Variants in OSBPL10 observed in about 807,000 individuals in gnomAD.
OSBPL10 encodes the protein oxysterol binding protein like 10, also known as oxysterol-binding protein-related protein 10.
In OSBPL10, 49 loss-of-function variants were observed where a neutral mutation model predicts 81.7. The observed-to-expected ratio is 0.60, with a 90% CI of 0.48 to 0.76. The LOEUF is 0.76. Ranked by LOEUF, OSBPL10 falls within the 30% of genes least tolerant of loss-of-function variation. The pLI, the probability that OSBPL10 is intolerant of heterozygous loss-of-function variation, is 0.00. For missense variants in OSBPL10, 923 were observed against 987.8 expected (o/e 0.93, Z 0.88); for synonymous variants, 419 against 383.6 (o/e 1.09, Z -1.08).
chr3:32,069,483 A>G (rs886614789), intron 1 of OSBPL10, among the ~76,000 whole-genome samples: 3 of 152,170 alleles, frequency 2.0e-5, no homozygotes, highest in Non-Finnish European at 4.4e-5. Flanking sequence ...AACTTAAAGA[A>G]ACTACCCAAG....
chr3:31,871,603 G>C (rs778640768), intron 3 of OSBPL10, among the ~76,000 whole-genome samples: 3 of 152,212 alleles, frequency 2.0e-5, no homozygotes, highest in African/African-American at 4.8e-5. Context: ...AGGCTCAGTG[G>C]CTCATGCCTA....
At chr3:31,988,554 T>C (rs1698974852) in intron 2 of OSBPL10, 1 of 160,758 alleles carries the variant, frequency 6.2e-6, no homozygotes, top group Non-Finnish European at 1.4e-5. Flanking sequence ...ATGGCAGAAG[T>C]CATGGTATAT....
intron 4 of OSBPL10, among the ~76,000 whole-genome samples, chr3:31,805,740 A>T (rs1213705152): frequency 1.3e-5 from 2 of 152,218 alleles, no homozygotes; most frequent in African/African-American, 4.8e-5. Flanking sequence ...TAGACAAAAA[A>T]GTATCTTCCT....
chr3:31,967,209 T>C (rs1158965949), intron 1 of OSBPL10, among the ~76,000 whole-genome samples: 1 of 152,166 alleles, frequency 6.6e-6, no homozygotes, highest in East Asian at 1.9e-4. Context: ...TGGACAGGAA[T>C]GCAGAGAGCT....
At chr3:31,990,937 A>G in intron 2 of OSBPL10, 1 of 1,575,062 alleles carries the variant, frequency 6.3e-7, no homozygotes, top group Non-Finnish European at 8.6e-7. Flanking sequence ...TACCGGACAG[A>G]AATCTTACAA....
At chr3:31,692,686 T>A (rs927890389) in intron 7 of OSBPL10, among the ~76,000 whole-genome samples, 1 of 152,202 alleles carries the variant, frequency 6.6e-6, no homozygotes, top group Non-Finnish European at 1.5e-5. Context: ...AGTGCTTGGG[T>A]TTCACACTCA....
At chr3:31,732,051 A>G (rs1300919113) in intron 6 of OSBPL10, among the ~76,000 whole-genome samples, 2 of 152,228 alleles carry the variant, frequency 1.3e-5, no homozygotes, top group African/African-American at 4.8e-5. Flanking sequence ...TGCTAGAAAT[A>G]AGGATCTAAA....
At chr3:31,970,441 G>C (rs1258337344) in intron 1 of OSBPL10, among the ~76,000 whole-genome samples, 1 of 152,206 alleles carries the variant, frequency 6.6e-6, no homozygotes, top group African/African-American at 2.4e-5. Flanking sequence ...AAAGGAAAAG[G>C]TAAGAAGAGT....
upstream of OSBPL10, among the ~76,000 whole-genome samples, chr3:31,981,462 G>C (rs1698842482): frequency 6.6e-6 from 1 of 152,164 alleles, no homozygotes; most frequent in Non-Finnish European, 1.5e-5. The surrounding 1 kb of genome is among the most constrained non-coding windows in gnomAD (Gnocchi z 4.5). Flanking sequence ...GCGGGTGGCC[G>C]GCTAGGCGAG....
chr3:31,724,605 G>A (rs1353969138), intron 6 of OSBPL10, among the ~76,000 whole-genome samples: 1 of 121,708 alleles, frequency 8.2e-6, no homozygotes, highest in Admixed American at 9.2e-5. Context: ...GAAGAGAGGA[G>A]GAGAAAAGCA....
At chr3:31,694,370 CAAAAAAAAAAAAAAAA>C (rs747631578) in intron 7 of OSBPL10, among the ~76,000 whole-genome samples, 2 of 62,828 alleles carry the variant, frequency 3.2e-5, no homozygotes, top group Non-Finnish European at 5.2e-5. Flanking sequence ...GACTCTGTCT[CAAAAAAAAAAAAAAAA>C]AAAAAAAAAA....
At chr3:31,667,760 A>C (rs1243418982) in intron 10 of OSBPL10, among the ~76,000 whole-genome samples, 1 of 152,254 alleles carries the variant, frequency 6.6e-6, no homozygotes, top group East Asian at 1.9e-4. Context: ...GCCATATGTA[A>C]ATGAATGATC....
intron 2 of OSBPL10, chr3:31,990,839 T>C (rs1172310011): frequency 1.9e-6 from 3 of 1,588,412 alleles, no homozygotes; most frequent in East Asian, 2.3e-5. Flanking sequence ...CAAAGGAGAA[T>C]TCATATGGGA....
chr3:31,861,839 T>G (rs879852522), intron 3 of OSBPL10, among the ~76,000 whole-genome samples: 4 of 152,188 alleles, frequency 2.6e-5, no homozygotes, highest in Non-Finnish European at 5.9e-5. Context: ...GTAGCTAGAC[T>G]TGTCTGGAGG....
chr3:31,894,476 T>C (rs536691448), intron 1 of OSBPL10, among the ~76,000 whole-genome samples: 7 of 152,372 alleles, frequency 4.6e-5, no homozygotes, highest in Admixed American at 2.6e-4. Context: ...ACATCCTATT[T>C]GTGACCATAC....
At chr3:31,707,671 C>T (rs1696116523) in intron 6 of OSBPL10, among the ~76,000 whole-genome samples, 1 of 152,166 alleles carries the variant, frequency 6.6e-6, no homozygotes, top group African/African-American at 2.4e-5. Context: ...AGACCCAAAG[C>T]ACCATGCTCA....
intron 1 of OSBPL10, among the ~76,000 whole-genome samples, chr3:32,069,692 T>A (rs1177862627): frequency 6.6e-6 from 1 of 152,152 alleles, no homozygotes; most frequent in Admixed American, 6.5e-5. Context: ...TTAATCAACC[T>A]CACCTTCAAG....
In OSBPL10 at chr3:31,791,646, G is replaced by GT. The variant is rs1037732510; in HGVS notation, c.729+38393dup. Among the ~76,000 whole-genome samples the GT allele has an allele frequency of 2.2e-3, 328 of 147,408 alleles. 1 individual carries two copies. The highest frequency in any genetic ancestry group is 2.6e-3 in the East Asian group (13 of 5,066). ...ACACTAGTGACTTAAAGAGGTTTTT[G>GT]TTTTTTTTTTCCACAAAGCTTTACT... On this transcript the variant is annotated intron_variant, in intron 4 of 11. Transcript: ENST00000396556.
chr3:31,800,989 T>A (rs1018223132), intron 4 of OSBPL10, among the ~76,000 whole-genome samples: 2 of 137,900 alleles, frequency 1.5e-5, no homozygotes, highest in Non-Finnish European at 3.2e-5. Flanking sequence ...CAAAAAAAGT[T>A]AACCTTTTAA....
Sources: allele counts gnomAD v4.1 joint callset (sites outside exome capture counted in the v4.1 genomes callset), GRCh38; gene constraint gnomAD v4.1.1; non-coding constraint Gnocchi (gnomAD v3.1); transcripts MANE v1.5; gene names NCBI Gene and HGNC (gene_info 2026-07-23, HGNC 2026-07-21).